Variants in ZFHX4 observed in about 807,000 individuals in gnomAD.
ZFHX4 encodes the protein zinc finger homeobox 4.
ZFHX4 carries 56 observed loss-of-function variants against 267.6 expected under a neutral mutation model. The observed-to-expected ratio is 0.21, with a 90% CI of 0.17 to 0.26. The LOEUF is 0.26. Among genes scored for constraint, ZFHX4 ranks in the 10% least tolerant of loss-of-function variants. The pLI is 1.00. For missense variants in ZFHX4, 4,332 were observed against 4,420.0 expected, an observed-to-expected ratio of 0.98 and a Z score of 0.56; for synonymous variants, 1,778 against 1,665.6, an observed-to-expected ratio of 1.07 and a Z score of -1.64.
chr8:76,772,468 G>A (rs897559245), intron 3 of ZFHX4, among the ~76,000 whole-genome samples: 3 of 152,106 alleles, frequency 2.0e-5, no homozygotes, highest in African/African-American at 7.2e-5. Flanking sequence ...AAGGAAGACT[G>A]AGTAAGAGGG....
At chr8:76,793,376 T>G (rs1481526017) in intron 4 of ZFHX4, among the ~76,000 whole-genome samples, 1 of 152,206 alleles carries the variant, frequency 6.6e-6, no homozygotes, top group African/African-American at 2.4e-5. Context: ...AAATAATTTT[T>G]AAGCAGATTT....
rs112457236 is a variant in ZFHX4, at chr8:76,803,263, CGTGTGT to C, written c.3325+24840_3325+24845del. On this transcript the variant is annotated intron_variant, in intron 4 of 10. Coordinates refer to ENST00000651372, the MANE Select transcript of ZFHX4 (RefSeq NM_024721.5). ...GTGTGTGTGTGCATGCGCGTGTGTG[CGTGTGT>C]GTGTGTGTGTGTGTGGTATGACCGA... Among the ~76,000 whole-genome samples the C allele has an allele frequency of 4.7e-3, 700 of 147,518 alleles. 7 individuals are homozygous for C. The highest frequency in any genetic ancestry group is 0.015 in the African/African-American group (587 of 40,346).
chr8:76,862,333 A>G (rs961862208), intron 10 of ZFHX4, among the ~76,000 whole-genome samples: 1 of 152,172 alleles, frequency 6.6e-6, no homozygotes, highest in Admixed American at 6.5e-5. Context: ...AACCTGGAAG[A>G]AGCATGTTTT....
In ZFHX4 at chr8:76,705,544, G is replaced by C. The variant is rs770971654; in HGVS notation, c.1456G>C (p.Glu486Gln). 2 of 1,613,480 alleles carry C rather than the reference G, an allele frequency of 1.2e-6. No homozygotes were observed. The highest frequency in any genetic ancestry group is 1.7e-6 in the Non-Finnish European group (2 of 1,179,684). The change falls in exon 2 of 11, where the codon GAA becomes CAA. Residue 486 changes from glutamate to glutamine, a missense_variant. Physicochemically the swap from Glu to Gln is conservative, Grantham distance 29. Around this residue, in one of 7 missense-constraint regions of ZFHX4, gnomAD observed 1,195 missense variants for 1,173.6 expected, o/e 1.02. Coordinates refer to ENST00000651372, the MANE Select transcript of ZFHX4 (RefSeq NM_024721.5). ...DAYSNELDDE[E>Q]VLGELTDSIG... ...GTACTCCAATGAACTTGATGACGAG[G>C]AAGTATTAGGTGAACTCACCGATAG...
intron 4 of ZFHX4, among the ~76,000 whole-genome samples, chr8:76,783,034 T>C (rs1416492837): frequency 6.6e-6 from 1 of 152,080 alleles, no homozygotes; most frequent in East Asian, 1.9e-4. Flanking sequence ...GAAAGGTCTC[T>C]TATTCCTACC....
At chr8:76,752,575 G>T (rs1490574844) in intron 3 of ZFHX4, among the ~76,000 whole-genome samples, 1 of 151,922 alleles carries the variant, frequency 6.6e-6, no homozygotes, top group East Asian at 1.9e-4. Context: ...GAAAGCTGTG[G>T]CAGGAGAATT....
chr8:76,752,487 C>CAAA (rs144149879), intron 3 of ZFHX4, among the ~76,000 whole-genome samples: 38 of 70,946 alleles, frequency 5.4e-4, no homozygotes, highest in Admixed American at 9.3e-4. Flanking sequence ...ACCAAAAATC[C>CAAA]AAAAAAAAAA....
Position 76,705,771 on chromosome 8 carries a change from C to T in ZFHX4, c.1683C>T (p.Asp561=), listed in dbSNP as rs757915266. 43 of 1,613,816 alleles carry T rather than the reference C, an allele frequency of 2.7e-5. No homozygotes were observed. In the Admixed American group the frequency reaches 2.7e-4, roughly 10 times the overall value. ...GCATCAGTGGCAAGGACTTTGCAGA[C>T]GCAAGTGCCAGTAAAGACAGTGCCA... ...NYGISGKDFA[D]ASASKDSATA... Residue 561 remains aspartate (D), a synonymous_variant, in exon 2 of 11, where the codon GAC becomes GAT. Coordinates refer to ENST00000651372, the MANE Select transcript of ZFHX4 (RefSeq NM_024721.5).
chr8:76,695,928 T>A (rs1807943463), intron 1 of ZFHX4, among the ~76,000 whole-genome samples: 1 of 152,226 alleles, frequency 6.6e-6, no homozygotes. Context: ...ATCAACATCC[T>A]GCTTTGGTTG....
chr8:76,843,486 G>T (rs1812289019), intron 6 of ZFHX4, among the ~76,000 whole-genome samples: 1 of 152,174 alleles, frequency 6.6e-6, no homozygotes, highest in African/African-American at 2.4e-5. Flanking sequence ...CCCTAGGCCA[G>T]CATCTGGTGT....
chr8:76,854,682 T>C lies in ZFHX4; in HGVS notation c.7761T>C (p.Asp2587=), dbSNP rs768441654. 1.5e-5 allele frequency: 25 copies of C among 1,613,118 alleles called. No homozygotes were observed. In the East Asian group the frequency reaches 4.5e-4, roughly 29 times the overall value. ...AAAGGAAACTAGACGATAAAGAAGA[T>C]AATAATTGCAGTGAAAAAGAAGGAG... The part of the protein sequence containing the change: ...SLKRKLDDKE[D]NNCSEKEGGN... Residue 2587 remains aspartate (D), a synonymous_variant, in exon 10 of 11, where the codon GAT becomes GAC. Coordinates refer to ENST00000651372, the MANE Select transcript of ZFHX4 (RefSeq NM_024721.5).
At chr8:76,842,081 TTA>T (rs1812247886) in intron 5 of ZFHX4, among the ~76,000 whole-genome samples, 1 of 152,124 alleles carries the variant, frequency 6.6e-6, no homozygotes, top group South Asian at 2.1e-4. Flanking sequence ...GTATACCTTG[TTA>T]TATCCTGCAC....
intron 4 of ZFHX4, among the ~76,000 whole-genome samples, chr8:76,780,991 C>T (rs1410674541): frequency 2.0e-5 from 3 of 152,034 alleles, no homozygotes; most frequent in African/African-American, 7.2e-5. Flanking sequence ...GGAAATTGTT[C>T]GGGAGAAGAT....
chr8:76,777,386 T>C (rs1810426707), intron 3 of ZFHX4, among the ~76,000 whole-genome samples: 1 of 152,150 alleles, frequency 6.6e-6, no homozygotes, highest in Admixed American at 6.5e-5. Context: ...AGCAAAAATT[T>C]GTTGTGGGTC....
intron 3 of ZFHX4, among the ~76,000 whole-genome samples, chr8:76,735,868 GACATGCACTT>G (rs1326655444): frequency 6.6e-6 from 1 of 152,060 alleles, no homozygotes; most frequent in Admixed American, 6.6e-5. Context: ...TAGTGCAGCA[GACATGCACTT>G]ATGCCTGTCT....
At position 76,837,812 on chromosome 8, in the gene ZFHX4, A is replaced by G. The variant is rs1051330782; in HGVS notation, c.3394+4406A>G. 4.4e-4 allele frequency among the ~76,000 whole-genome samples: 67 copies of G among 152,318 alleles called. 1 individual carries two copies. The Middle Eastern group carries it at 0.02, about 46-fold the overall frequency. ...TTGTGGTGAATGGTTTAACATCAAT[A>G]TACAGGTGGGGGGAAAATAGCATTT... On this transcript the variant is annotated intron_variant, in intron 5 of 10. Coordinates refer to ENST00000651372, the MANE Select transcript of ZFHX4 (RefSeq NM_024721.5).
chr8:76,718,485 G>C (rs1289823086), intron 3 of ZFHX4, among the ~76,000 whole-genome samples: 2 of 152,112 alleles, frequency 1.3e-5, no homozygotes, highest in African/African-American at 4.8e-5. Flanking sequence ...GGATGGAATA[G>C]AAGTACCAAA....
intron 3 of ZFHX4, among the ~76,000 whole-genome samples, chr8:76,716,248 A>C (rs558378747): frequency 6.6e-6 from 1 of 152,176 alleles, no homozygotes; most frequent in African/African-American, 2.4e-5. Flanking sequence ...ACAAAAAAAA[A>C]CCCTCCTGAT....
At position 76,863,285 on chromosome 8, in the gene ZFHX4, A is replaced by G; in HGVS notation, c.9571A>G (p.Lys3191Glu). The G allele has an allele frequency of 1.9e-6, 3 of 1,612,842 alleles. No homozygotes were observed. The highest frequency in any genetic ancestry group is 2.5e-6 in the Non-Finnish European group (3 of 1,179,400). Residue 3191 changes from lysine (K) to glutamate (E), a missense_variant, in exon 11 of 11, where the codon AAA (lysine) becomes GAA (glutamate). Coordinates refer to ENST00000651372, the MANE Select transcript of ZFHX4 (RefSeq NM_024721.5). The part of the protein sequence containing the change: ...QTEQQNKESE[K>E]KQTKPNKVKK... ...CGAGCAACAGAACAAAGAATCTGAG[A>G]AAAAGCAAACTAAGCCAAACAAGGT... is the stretch of plus-strand genomic sequence containing the variant.
Sources: gnomAD v4.1 joint callset for allele counts (sites outside exome capture counted in the v4.1 genomes callset) on GRCh38, gnomAD v4.1.1 for gene constraint, gnomAD v4.1.1 regional missense constraint, MANE v1.5 for transcripts, NCBI Gene and HGNC (gene_info 2026-07-23, HGNC 2026-07-21) for gene names.